The following MAML3 variants were observed in gnomAD, a reference collection of about 807,000 sequenced individuals.
MAML3 encodes the protein mastermind-like protein 3.
In MAML3, 27 loss-of-function variants were observed where a neutral mutation model predicts 101.9. That is an observed-to-expected ratio of 0.27 (90% CI 0.20 to 0.37). MAML3 has a LOEUF of 0.37. MAML3 is among the 10% of genes least tolerant of loss of function. The probability of loss-of-function intolerance (pLI) is 1.00; values close to 1 mark genes in which losing one functional copy is unlikely to be tolerated. For missense variants in MAML3, 1,316 were observed against 1,444.9 expected, an observed-to-expected ratio of 0.91 and a Z score of 1.45; for synonymous variants, 501 against 555.9, an observed-to-expected ratio of 0.90 and a Z score of 1.39.
chr4:140,093,387 A>G (rs1728094662), intron 1 of MAML3, among the ~76,000 whole-genome samples: 1 of 150,446 alleles, frequency 6.6e-6, no homozygotes, highest in Non-Finnish European at 1.5e-5. Context: ...GTGGATCCTA[A>G]CCACAAAAGC....
intron 2 of MAML3, among the ~76,000 whole-genome samples, chr4:139,738,745 GA>G (rs5862432): frequency 0.068 from 10,344 of 151,904 alleles, 632 homozygotes; most frequent in Admixed American, 0.19. Flanking sequence ...AGTATAGATA[GA>G]AAAAAAGTAT....
intron 2 of MAML3, among the ~76,000 whole-genome samples, chr4:139,791,548 A>G (rs575836287): frequency 4.6e-5 from 7 of 151,438 alleles, no homozygotes; most frequent in Admixed American, 4.6e-4. Context: ...ATAAACTGTC[A>G]CTGACTTATA....
chr4:140,068,124 G>T (rs1285269616), intron 1 of MAML3, among the ~76,000 whole-genome samples: 1 of 152,100 alleles, frequency 6.6e-6, no homozygotes, highest in Non-Finnish European at 1.5e-5. Context: ...TCACTCCCAC[G>T]TATTTTCTTG....
At position 139,719,314 on chromosome 4, in the gene MAML3, C is replaced by A. The variant is rs1275824807; in HGVS notation, c.*9G>T. 4 of 1,555,572 alleles carry A rather than the reference C, an allele frequency of 2.6e-6. No individual in the cohort carries two copies. In the South Asian group the frequency reaches 4.9e-5, roughly 19 times the overall value. On this transcript the variant is annotated 3_prime_UTR_variant, in exon 5 of 5. Transcript: ENST00000509479. ...CCACTCGAGTTGTGGATCTTGGGGCCTCTCTTGATTAGGGGTTACCAAACA... is the reference window on the plus strand; with the variant it reads ...CCACTCGAGTTGTGGATCTTGGGGCATCTCTTGATTAGGGGTTACCAAACA...
intron 1 of MAML3, among the ~76,000 whole-genome samples, chr4:140,113,095 C>T (rs534140437): frequency 2.0e-5 from 3 of 151,996 alleles, no homozygotes; most frequent in East Asian, 3.9e-4. Context: ...TGGTTAACAT[C>T]GTGAAACCCC....
chr4:139,733,556 T>C (rs1451779243), intron 2 of MAML3, among the ~76,000 whole-genome samples: 1 of 86,240 alleles, frequency 1.2e-5, no homozygotes, highest in Non-Finnish European at 2.2e-5. Context: ...AAGCACAGTG[T>C]GAAAAAAAAA....
chr4:140,042,902 A>G (rs1408764746), intron 1 of MAML3, among the ~76,000 whole-genome samples: 1 of 152,130 alleles, frequency 6.6e-6, no homozygotes, highest in Non-Finnish European at 1.5e-5. Context: ...TCCTGTTCCA[A>G]GATGTTGGGT....
chr4:140,077,908 C>G (rs1157901973), intron 1 of MAML3, among the ~76,000 whole-genome samples: 1 of 152,116 alleles, frequency 6.6e-6, no homozygotes, highest in Middle Eastern at 3.4e-3. Flanking sequence ...GTCCCAGCTA[C>G]TCGGGAGGCC....
At chr4:139,771,283 C>A (rs1729974283) in intron 2 of MAML3, among the ~76,000 whole-genome samples, 1 of 152,216 alleles carries the variant, frequency 6.6e-6, no homozygotes, top group African/African-American at 2.4e-5. Flanking sequence ...TGTCTTAGAA[C>A]TTTCCTAAGA....
intron 2 of MAML3, among the ~76,000 whole-genome samples, chr4:139,736,616 G>A (rs1327799212): frequency 6.6e-6 from 1 of 152,208 alleles, no homozygotes; most frequent in Non-Finnish European, 1.5e-5. Context: ...CCCATTCCCA[G>A]TATGGGCAAT....
chr4:140,052,948 C>T (rs1727292578), intron 1 of MAML3, among the ~76,000 whole-genome samples: 1 of 152,120 alleles, frequency 6.6e-6, no homozygotes, highest in Non-Finnish European at 1.5e-5. Context: ...AATTTGTCTC[C>T]ATGAATCAGT....
intron 2 of MAML3, among the ~76,000 whole-genome samples, chr4:139,835,856 C>A (rs13114125): frequency 0.032 from 4,831 of 152,172 alleles, 185 homozygotes; most frequent in African/African-American, 0.093. Flanking sequence ...CAAAGGAAGT[C>A]AATTTAAACG....
intron 2 of MAML3, among the ~76,000 whole-genome samples, chr4:139,789,056 A>G (rs746027848): frequency 1.2e-4 from 18 of 152,248 alleles, no homozygotes; most frequent in Non-Finnish European, 2.4e-4. Flanking sequence ...TCATATAACC[A>G]AGGCCTTTTA....
intron 2 of MAML3, among the ~76,000 whole-genome samples, chr4:139,769,457 C>G (rs1729929599): frequency 6.6e-6 from 1 of 152,164 alleles, no homozygotes; most frequent in South Asian, 2.1e-4. Flanking sequence ...TCTAGTTGAC[C>G]ATGATGAGCC....
intron 1 of MAML3, among the ~76,000 whole-genome samples, chr4:140,045,886 C>T (rs190418479): frequency 2.0e-5 from 3 of 152,254 alleles, no homozygotes; most frequent in African/African-American, 7.2e-5. Context: ...AACCACTTAT[C>T]CCTTAATTGC....
At chr4:140,091,281 AT>A (rs1203661123) in intron 1 of MAML3, among the ~76,000 whole-genome samples, 1 of 151,988 alleles carries the variant, frequency 6.6e-6, no homozygotes, top group Non-Finnish European at 1.5e-5. Context: ...GACAGGCAAG[AT>A]TTTTTTCCTA....
intron 2 of MAML3, among the ~76,000 whole-genome samples, chr4:139,884,035 C>G (rs534334945): frequency 6.6e-6 from 1 of 152,002 alleles, no homozygotes; most frequent in East Asian, 1.9e-4. Flanking sequence ...GCACCTGCCA[C>G]CACTCCCATA....
intron 2 of MAML3, among the ~76,000 whole-genome samples, chr4:139,836,305 C>T (rs570754002): frequency 1.3e-5 from 2 of 152,170 alleles, no homozygotes; most frequent in African/African-American, 2.4e-5. Flanking sequence ...GTCTGTTTCA[C>T]CCGCCTATCG....
At chr4:139,741,680 G>A in intron 2 of MAML3, among the ~76,000 whole-genome samples, 1 of 152,196 alleles carries the variant, frequency 6.6e-6, no homozygotes, top group East Asian at 1.9e-4. Context: ...CTGGGAGGTT[G>A]AGGCTGCAGT....
Sources: allele counts gnomAD v4.1 joint callset (sites outside exome capture counted in the v4.1 genomes callset), GRCh38; gene constraint gnomAD v4.1.1; transcripts MANE v1.5; gene names NCBI Gene and HGNC (gene_info 2026-07-23, HGNC 2026-07-21).